The following AFF2 variants were observed in gnomAD, a reference collection of about 807,000 sequenced individuals.
AFF2 encodes the protein AF4/FMR2 family member 2.
AFF2 carries 14 observed loss-of-function variants against 76.9 expected under a neutral mutation model. That is an observed-to-expected ratio of 0.18 (90% CI 0.12 to 0.28). The LOEUF is 0.28. Among genes scored for constraint, AFF2 ranks in the 10% least tolerant of loss-of-function variants. The pLI, the probability that AFF2 is intolerant of heterozygous loss-of-function variation, is 1.00. For synonymous variants in AFF2, 398 were observed against 366.7 expected, an observed-to-expected ratio of 1.09 and a Z score of -0.98; for missense variants, 868 against 1,001.1, an observed-to-expected ratio of 0.87 and a Z score of 1.79.
At position 148,956,245 on chromosome X, in the gene AFF2, C is replaced by A; in HGVS notation, c.2200C>A (p.Pro734Thr). The A allele has an allele frequency of 8.3e-7, 1 of 1,211,680 alleles. No individual in the cohort carries two copies. The highest frequency in any genetic ancestry group is 1.1e-6 in the Non-Finnish European group (1 of 895,489). The change falls in exon 11 of 21, where the codon CCT becomes ACT. Residue 734 changes from proline to threonine, a missense_variant. By Grantham distance (38) the Pro-to-Thr change is conservative. Transcript: ENST00000370460. Reference sequence around the variant, plus strand: ...AGAGACCCTGCAAATCAAAGTCCTGCCTCCGTGCATTATTTCTGGAGGTAA... The same window carrying A: ...AGAGACCCTGCAAATCAAAGTCCTGACTCCGTGCATTATTTCTGGAGGTAA... ...QEETLQIKVL[P>T]PCIISGGNTA...
At chrX:148,988,882 C>T (rs1329218654) in intron 20 of AFF2, among the ~76,000 whole-genome samples, 1 of 112,175 alleles carries the variant, frequency 8.9e-6, no homozygotes, top group Non-Finnish European at 1.9e-5. Context: ...CATGAGGAAA[C>T]TGAGGCTCTA....
chrX:148,609,257 G>C (rs1281259499), intron 1 of AFF2, among the ~76,000 whole-genome samples: 1 of 111,781 alleles, frequency 8.9e-6, no homozygotes, highest in Admixed American at 9.5e-5. Context: ...ATTATACTCA[G>C]TCATGTGCAA....
At chrX:148,776,714 T>C (rs1557268607) in intron 3 of AFF2, among the ~76,000 whole-genome samples, 1 of 111,936 alleles carries the variant, frequency 8.9e-6, no homozygotes, top group Non-Finnish European at 1.9e-5. Flanking sequence ...TGTTTTTTTT[T>C]CTCAAAACTT....
At chrX:148,910,654 A>G (rs1292255367) in intron 9 of AFF2, among the ~76,000 whole-genome samples, 2 of 112,262 alleles carry the variant, frequency 1.8e-5, no homozygotes, top group Non-Finnish European at 3.8e-5. Context: ...GGCAAGGGAA[A>G]GCAAGGAGCC....
Position 148,857,894 on chromosome X carries a change from A to G in AFF2, c.1262+14461A>G, listed in dbSNP as rs537054955. 3.6e-5 allele frequency among the ~76,000 whole-genome samples: 4 copies of G among 111,818 alleles called. No individual in the cohort carries two copies. In the East Asian group the frequency reaches 1.1e-3, roughly 31 times the overall value. On this transcript the variant is annotated intron_variant, in intron 7 of 20. Transcript: ENST00000370460. ...ACTTGACTTTTCAAATTATGTTTCA[A>G]TTCAGGTTTGTTGTCTTTTAATTCC...
chrX:148,654,498 A>C (rs1223211833), intron 2 of AFF2, among the ~76,000 whole-genome samples: 2 of 111,578 alleles, frequency 1.8e-5, no homozygotes, highest in African/African-American at 6.5e-5. Flanking sequence ...GAGGAATTAT[A>C]TAAAGGGAAG....
At chrX:148,501,655 G>C (rs1557231888) in intron 1 of AFF2, among the ~76,000 whole-genome samples, 1 of 113,418 alleles carries the variant, frequency 8.8e-6, no homozygotes, top group Non-Finnish European at 1.9e-5. Flanking sequence ...TGCGCGGCGC[G>C]CACACCTTTC....
chrX:148,904,978 A>C (rs1011091890), intron 9 of AFF2, among the ~76,000 whole-genome samples: 2 of 111,853 alleles, frequency 1.8e-5, no homozygotes, highest in Admixed American at 9.5e-5. Context: ...TGGCTGAGGG[A>C]GGACTTTCTC....
At chrX:148,922,064 A>G in intron 9 of AFF2, among the ~76,000 whole-genome samples, 1 of 112,340 alleles carries the variant, frequency 8.9e-6, no homozygotes. Context: ...TAGAATTTTC[A>G]TTGCTGCAAC....
At position 148,977,612 on chromosome X, in the gene AFF2, TAGACAC is replaced by T. The variant is rs1345230491; in HGVS notation, c.3405-319_3405-314del. 8.9e-5 allele frequency among the ~76,000 whole-genome samples: 5 copies of T among 55,921 alleles called. No individual in the cohort carries two copies. The East Asian group carries it at 3.2e-3, about 36-fold the overall frequency. The allele number at this position is 55,921 out of a possible 115,157, so 48.6% of individuals were successfully genotyped here. A position where few individuals can be genotyped will look rare whatever the true frequency, so the allele number is the denominator to read the frequency against. On this transcript the variant is annotated intron_variant, in intron 16 of 20. Coordinates refer to ENST00000370460, the MANE Select transcript of AFF2 (RefSeq NM_002025.4). ...CTAGAAACAGTATTTTACCAGCATT[TAGACAC>T]ACACACACACACACACACACACACA...
intron 7 of AFF2, among the ~76,000 whole-genome samples, chrX:148,845,243 A>G (rs1236801446): frequency 8.9e-6 from 1 of 112,084 alleles, no homozygotes; most frequent in African/African-American, 3.2e-5. Context: ...CTCCTAAAGC[A>G]AGAGTATTAG....
intron 1 of AFF2, among the ~76,000 whole-genome samples, chrX:148,642,253 A>T (rs1240899508): frequency 1.8e-5 from 2 of 112,417 alleles, no homozygotes; most frequent in African/African-American, 6.5e-5. Flanking sequence ...TAGTGAGTGC[A>T]AGTGGATCAA....
At chrX:148,514,449 A>G (rs980883920) in intron 1 of AFF2, among the ~76,000 whole-genome samples, 1 of 112,682 alleles carries the variant, frequency 8.9e-6, no homozygotes, top group African/African-American at 3.2e-5. Flanking sequence ...TGTTCAAAGC[A>G]GTCTTAGCAC....
intron 19 of AFF2, among the ~76,000 whole-genome samples, chrX:148,983,790 G>A (rs899463448): frequency 1.8e-5 from 2 of 108,256 alleles, no homozygotes; most frequent in African/African-American, 3.4e-5. Flanking sequence ...CTATCCTCAT[G>A]CTATATATGC....
At chrX:148,573,462 G>A (rs2053251909) in intron 1 of AFF2, among the ~76,000 whole-genome samples, 1 of 111,284 alleles carries the variant, frequency 9.0e-6, no homozygotes, top group South Asian at 3.8e-4. Flanking sequence ...TGTGGAATGC[G>A]ATAATCGATA....
chrX:148,879,307 T>C (rs1211578490), intron 7 of AFF2, among the ~76,000 whole-genome samples: 1 of 111,440 alleles, frequency 9.0e-6, no homozygotes, highest in Non-Finnish European at 1.9e-5. Flanking sequence ...TAAATTAAGC[T>C]CAAGTTCTCT....
intron 1 of AFF2, among the ~76,000 whole-genome samples, chrX:148,587,516 A>G (rs16994636): frequency 0.065 from 7,246 of 112,115 alleles, 513 homozygotes; most frequent in African/African-American, 0.21. Context: ...TTAAGGGGCT[A>G]ATAACTCCTA....
chrX:148,549,290 T>G (rs1164425022), intron 1 of AFF2, among the ~76,000 whole-genome samples: 2 of 111,823 alleles, frequency 1.8e-5, no homozygotes, highest in Non-Finnish European at 3.8e-5. Flanking sequence ...ATTTGTAGAG[T>G]GAATGCGTGG....
At chrX:148,600,003 G>C (rs2053611346) in intron 1 of AFF2, among the ~76,000 whole-genome samples, 1 of 112,068 alleles carries the variant, frequency 8.9e-6, no homozygotes, top group African/African-American at 3.3e-5. Flanking sequence ...TCTTCTGTCT[G>C]GTGAGTTGAA....
Sources: gnomAD v4.1 joint callset for allele counts (sites outside exome capture counted in the v4.1 genomes callset) on GRCh38, gnomAD v4.1.1 for gene constraint, MANE v1.5 for transcripts, NCBI Gene and HGNC (gene_info 2026-07-23, HGNC 2026-07-21) for gene names.